Variants in ACTR2 observed in about 807,000 individuals in gnomAD.
ACTR2 encodes actin related protein 2, also known as actin-related protein 2.
In ACTR2, 5 loss-of-function variants were observed where a neutral mutation model predicts 50.2. The observed-to-expected ratio is 0.10, with a 90% CI of 0.05 to 0.21. The LOEUF is 0.21. ACTR2 is among the 10% of genes least tolerant of loss of function. The pLI is 1.00. For missense variants in ACTR2, 180 were observed against 480.6 expected (o/e 0.37, Z 5.85); for synonymous variants, 140 against 162.9 (o/e 0.86, Z 1.07).
intron 7 of ACTR2, among the ~76,000 whole-genome samples, chr2:65,263,138 C>G (rs2540598): frequency 6.6e-6 from 1 of 151,584 alleles, no homozygotes; most frequent in South Asian, 2.1e-4. Context: ...TGGAGTGATT[C>G]TCCTGCCTCA....
intron 2 of ACTR2, chr2:65,242,132 T>G: frequency 8.4e-7 from 1 of 1,190,840 alleles, no homozygotes; most frequent in Non-Finnish European, 1.2e-6. Context: ...GTTGTTGTTT[T>G]GTGTCCCTTT....
chr2:65,263,325 ACTCT>A (rs3980320), intron 7 of ACTR2, among the ~76,000 whole-genome samples: 76,780 of 146,980 alleles, frequency 0.52, 20,939 homozygotes, highest in Non-Finnish European at 0.56. Context: ...TTTCACAGAT[ACTCT>A]CTCTGTTTGC....
chr2:65,231,019 A>G (rs1258899249), intron 1 of ACTR2, among the ~76,000 whole-genome samples: 4 of 151,036 alleles, frequency 2.6e-5, no homozygotes, highest in Non-Finnish European at 5.9e-5. Context: ...ACGCCACTGC[A>G]CTCCAGCCTG....
At chr2:65,258,507 G>A (rs1409301556) in intron 6 of ACTR2, among the ~76,000 whole-genome samples, 1 of 152,102 alleles carries the variant, frequency 6.6e-6, no homozygotes, top group East Asian at 1.9e-4. Flanking sequence ...GAGCCCAGGA[G>A]TTCAAGGCTC....
In ACTR2 at chr2:65,235,486, G is replaced by T. The variant is rs1468543928; in HGVS notation, c.49-4366G>T. 2.6e-5 allele frequency among the ~76,000 whole-genome samples: 4 copies of T among 152,184 alleles called. No individual in the cohort carries two copies. The South Asian group carries it at 8.3e-4, about 32-fold the overall frequency. ...TAAAAAGTAATCCAGGCTGGGTGCC[G>T]TGGCTCACGCCTGTAATCCCAGCAC... On this transcript the variant is annotated intron_variant, in intron 1 of 8. Coordinates refer to ENST00000260641, the MANE Select transcript of ACTR2 (RefSeq NM_005722.4).
intron 3 of ACTR2, among the ~76,000 whole-genome samples, chr2:65,248,795 C>T (rs1041905989): frequency 6.6e-6 from 1 of 152,116 alleles, no homozygotes; most frequent in Non-Finnish European, 1.5e-5. Context: ...GGGTGGATCA[C>T]TTGAGACTAG....
At chr2:65,261,536 G>A (rs1672268430) in intron 7 of ACTR2, 144 bp downstream of exon 7, 2 of 866,556 alleles carry the variant, frequency 2.3e-6, no homozygotes, top group South Asian at 4.2e-5. Context: ...TTACGGAAAG[G>A]TTGCAAGAAA....
intron 1 of ACTR2, 50 bp downstream of exon 1, chr2:65,228,007 G>C: frequency 1.2e-5 from 17 of 1,468,114 alleles, no homozygotes; most frequent in Non-Finnish European, 1.5e-5. Context: ...CGGCGGGGAC[G>C]AGCAGCTGGC....
intron 1 of ACTR2, among the ~76,000 whole-genome samples, chr2:65,238,439 C>G (rs904503483): frequency 1.3e-5 from 2 of 151,286 alleles, no homozygotes; most frequent in African/African-American, 2.4e-5. Flanking sequence ...GCGGGCAGAT[C>G]ACGAGGTCAG....
Position 65,268,801 on chromosome 2 carries a change from T to A in ACTR2, c.*67T>A. On this transcript the variant is annotated 3_prime_UTR_variant, in exon 9 of 9. Coordinates refer to ENST00000260641, the MANE Select transcript of ACTR2 (RefSeq NM_005722.4). ...TTTCCTTTATTGCCAATCTTTGAAC[T>A]CATTCAACTCCAGGACATGGAAGAG... 1 of 1,513,070 alleles carries A rather than the reference T, an allele frequency of 6.6e-7. No individual in the cohort carries two copies. Among genetic ancestry groups the A allele is most frequent in the South Asian group, 1.3e-5 (1 of 79,274 alleles). The allele number at this position is 1,513,070 out of a possible 1,614,324, so 93.7% of individuals were successfully genotyped here.
intron 1 of ACTR2, among the ~76,000 whole-genome samples, chr2:65,235,069 T>C (rs767990441): frequency 6.6e-6 from 1 of 152,142 alleles, no homozygotes; most frequent in Non-Finnish European, 1.5e-5. Flanking sequence ...GGGATAATGA[T>C]GAGAACAGAT....
intron 6 of ACTR2, among the ~76,000 whole-genome samples, chr2:65,259,789 T>G (rs377111855): frequency 1.3e-5 from 2 of 152,198 alleles, no homozygotes; most frequent in Admixed American, 6.5e-5. Flanking sequence ...AATTCTGGTA[T>G]CTCATGGAAA....
In ACTR2 at chr2:65,228,015, G is replaced by A. The variant is rs577513737; in HGVS notation, c.48+58G>A. 2,153 of 1,454,222 alleles carry A rather than the reference G, an allele frequency of 1.5e-3. 7 individuals carry two copies. In the Middle Eastern group the frequency reaches 0.026, roughly 18 times the overall value. 90.1% of individuals were successfully genotyped at this position (1,454,222 alleles called of 1,614,324 possible). On this transcript the variant is annotated intron_variant, in intron 1 of 8. Transcript: ENST00000260641. ...CAGACGCCGGCGGGGACGAGCAGCT[G>A]GCGCACGGGCCCTCGGCCCCCAGGG...
At chr2:65,267,957 C>G (rs1475309920) in intron 8 of ACTR2, among the ~76,000 whole-genome samples, 1 of 146,918 alleles carries the variant, frequency 6.8e-6, no homozygotes, top group African/African-American at 2.5e-5. Flanking sequence ...CTGCCTCAGC[C>G]TCCCGAGTAG....
intron 1 of ACTR2, chr2:65,228,209 A>C (rs1417964413): frequency 2.6e-6 from 1 of 388,162 alleles, no homozygotes; most frequent in East Asian, 4.0e-5. Context: ...GGCACTGGAC[A>C]TGGAGCCTAC....
intron 6 of ACTR2, among the ~76,000 whole-genome samples, chr2:65,257,542 T>C (rs1227536354): frequency 1.3e-5 from 2 of 152,236 alleles, no homozygotes; most frequent in East Asian, 1.9e-4. Context: ...TCCACAATGG[T>C]TGAACTAATT....
At chr2:65,240,270 A>C (rs988168420) in intron 2 of ACTR2, among the ~76,000 whole-genome samples, 2 of 152,236 alleles carry the variant, frequency 1.3e-5, no homozygotes, top group Non-Finnish European at 2.9e-5. Context: ...TATAATTTTT[A>C]AAAGAAATCG....
chr2:65,254,991 T>A (rs1207792089), intron 5 of ACTR2, among the ~76,000 whole-genome samples: 2 of 152,100 alleles, frequency 1.3e-5, no homozygotes, highest in East Asian at 1.9e-4. Context: ...AGTGGGTTTT[T>A]AAAAAAATAG....
intron 7 of ACTR2, among the ~76,000 whole-genome samples, chr2:65,263,536 A>G (rs1226016572): frequency 6.6e-6 from 1 of 152,224 alleles, no homozygotes; most frequent in Non-Finnish European, 1.5e-5. Context: ...TGAGTTAAAT[A>G]GCCACCTAAT....
Sources: allele counts gnomAD v4.1 joint callset (sites outside exome capture counted in the v4.1 genomes callset), GRCh38; gene constraint gnomAD v4.1.1; transcripts MANE v1.5; gene names NCBI Gene and HGNC (gene_info 2026-07-23, HGNC 2026-07-21).